Variants in STPG2 observed in about 807,000 individuals in gnomAD.
STPG2 encodes sperm-tail PG-rich repeat-containing protein 2.
Under a neutral mutation model 54.2 loss-of-function variants are expected in STPG2, and 56 were observed. The ratio of observed to expected loss-of-function variants is 1.03; its 90% CI spans 0.83 to 1.29. The LOEUF is 1.29. STPG2 is among the 50% of genes most tolerant of loss of function. The probability of loss-of-function intolerance (pLI) is 0.00; values close to 1 mark genes in which losing one functional copy is unlikely to be tolerated. For synonymous variants in STPG2, 200 were observed against 181.8 expected, an observed-to-expected ratio of 1.10 and a Z score of -0.81; for missense variants, 596 against 544.9, an observed-to-expected ratio of 1.09 and a Z score of -0.93.
At chr4:97,849,546 T>A in intron 8 of STPG2, among the ~76,000 whole-genome samples, 1 of 151,870 alleles carries the variant, frequency 6.6e-6, no homozygotes, top group Non-Finnish European at 1.5e-5. Context: ...ATATCCAGAA[T>A]CTACAATGAA....
chr4:97,745,647 T>C (rs1725401251), intron 9 of STPG2, among the ~76,000 whole-genome samples: 1 of 151,194 alleles, frequency 6.6e-6, no homozygotes, highest in African/African-American at 2.4e-5. Context: ...AAACATTATG[T>C]GTTCTATTAG....
chr4:97,616,134 T>A (rs1733869276), intron 10 of STPG2, among the ~76,000 whole-genome samples: 1 of 128,744 alleles, frequency 7.8e-6, no homozygotes, highest in Non-Finnish European at 1.6e-5. Flanking sequence ...AAAGCCATGT[T>A]AAGTGCAGTT....
At chr4:97,995,981 G>A (rs1735195382) in intron 5 of STPG2, among the ~76,000 whole-genome samples, 1 of 152,148 alleles carries the variant, frequency 6.6e-6, no homozygotes, top group South Asian at 2.1e-4. Context: ...GAGATAGTAA[G>A]AATCAATATT....
intron 8 of STPG2, among the ~76,000 whole-genome samples, chr4:97,880,521 A>G (rs1056098634): frequency 6.6e-6 from 1 of 152,154 alleles, no homozygotes; most frequent in Non-Finnish European, 1.5e-5. Flanking sequence ...TTTCTAGTTC[A>G]GAGTCCCTTA....
intron 8 of STPG2, among the ~76,000 whole-genome samples, chr4:97,876,887 T>G (rs1044472671): frequency 6.6e-6 from 1 of 152,112 alleles, no homozygotes; most frequent in Non-Finnish European, 1.5e-5. Flanking sequence ...TTGGACCATG[T>G]CATAGCAGAA....
intron 4 of STPG2, among the ~76,000 whole-genome samples, chr4:97,517,872 G>A (rs1731106556): frequency 6.6e-6 from 1 of 151,818 alleles, no homozygotes; most frequent in Admixed American, 6.6e-5. Flanking sequence ...TCATTTTCCT[G>A]TTTGAAATTT....
intron 9 of STPG2, among the ~76,000 whole-genome samples, chr4:97,745,106 G>A (rs1725381560): frequency 6.6e-6 from 1 of 151,158 alleles, no homozygotes; most frequent in Admixed American, 6.6e-5. Flanking sequence ...GTTGTAAGAA[G>A]AGATTGAAAA....
At chr4:97,996,926 G>C (rs1023377494) in intron 5 of STPG2, among the ~76,000 whole-genome samples, 1 of 152,098 alleles carries the variant, frequency 6.6e-6, no homozygotes, top group Non-Finnish European at 1.5e-5. Context: ...TTACTAAAAA[G>C]TCAAAAAATA....
At chr4:97,818,449 GTCTC>G (rs369459363) in intron 9 of STPG2, among the ~76,000 whole-genome samples, 8 of 150,384 alleles carry the variant, frequency 5.3e-5, no homozygotes, top group African/African-American at 7.3e-5. Context: ...TGTGAATATG[GTCTC>G]TCTCTCTCTC....
chr4:98,094,559 A>C (rs1350781544), intron 5 of STPG2, among the ~76,000 whole-genome samples: 1 of 152,168 alleles, frequency 6.6e-6, no homozygotes, highest in East Asian at 1.9e-4. Context: ...GTCCAGGCCT[A>C]GGCTCTTGGA....
intron 9 of STPG2, among the ~76,000 whole-genome samples, chr4:97,770,558 GA>G (rs1370621894): frequency 6.6e-6 from 1 of 152,144 alleles, no homozygotes; most frequent in African/African-American, 2.4e-5. Context: ...GAGGTTTTGA[GA>G]AAAAATTAAC....
chr4:97,899,494 A>G (rs1418193974), intron 8 of STPG2, among the ~76,000 whole-genome samples: 1 of 152,034 alleles, frequency 6.6e-6, no homozygotes, highest in Non-Finnish European at 1.5e-5. Flanking sequence ...ATGAAACCAA[A>G]AAAGAATCCA....
intron 10 of STPG2, among the ~76,000 whole-genome samples, chr4:97,681,877 A>C (rs1176332666): frequency 6.6e-6 from 1 of 151,808 alleles, no homozygotes; most frequent in African/African-American, 2.4e-5. Context: ...CACTGTTACC[A>C]GTTTAGCATT....
intron 10 of STPG2, among the ~76,000 whole-genome samples, chr4:97,652,388 C>T (rs988545783): frequency 6.6e-6 from 1 of 151,722 alleles, no homozygotes; most frequent in Non-Finnish European, 1.5e-5. Context: ...TAAAATCAGT[C>T]CTTTTTGTCT....
Position 97,566,390 on chromosome 4 carries a change from G to A in STPG2, c.1321-7273C>T, listed in dbSNP as rs534987141. Among the ~76,000 whole-genome samples, 13 of 152,242 alleles carry A rather than the reference G, an allele frequency of 8.5e-5. No homozygotes were observed. In the South Asian group the frequency reaches 1.7e-3, roughly 19 times the overall value. Reference sequence around the variant, plus strand: ...AACTCCCTGTCCCCTTGCGCTTCCCGAGTGAGGCAATGCCTCGCCCTGCTT... The same window carrying A: ...AACTCCCTGTCCCCTTGCGCTTCCCAAGTGAGGCAATGCCTCGCCCTGCTT... On this transcript the variant is annotated intron_variant, in intron 10 of 10. Transcript: ENST00000295268.
At chr4:97,786,669 A>T (rs974209368) in intron 9 of STPG2, among the ~76,000 whole-genome samples, 1 of 152,240 alleles carries the variant, frequency 6.6e-6, no homozygotes, top group East Asian at 1.9e-4. Flanking sequence ...GCTCCATTCC[A>T]GGGTAGGTGA....
chr4:97,501,905 A>G lies in STPG2; in HGVS notation c.462+210794T>C, dbSNP rs188833228. 2.0e-4 allele frequency among the ~76,000 whole-genome samples: 31 copies of G among 152,134 alleles called. No individual in the cohort carries two copies. In the East Asian group the frequency reaches 5.2e-3, roughly 26 times the overall value. ...AAAATGAGTTGAAATATAAGATTTC[A>G]CAACTAAGAAAATTAATTGAGGACC... On this transcript the variant is annotated intron_variant, in intron 4 of 4. Transcript: ENST00000522676.
intron 5 of STPG2, among the ~76,000 whole-genome samples, chr4:98,015,003 TCA>T (rs1421930627): frequency 6.6e-6 from 1 of 152,190 alleles, no homozygotes; most frequent in East Asian, 1.9e-4. Context: ...TAGTATGCAA[TCA>T]GTTGTTTTTA....
intron 10 of STPG2, among the ~76,000 whole-genome samples, chr4:97,700,483 C>T (rs1035303971): frequency 6.6e-6 from 1 of 152,200 alleles, no homozygotes; most frequent in Non-Finnish European, 1.5e-5. Context: ...GAAGGAATAT[C>T]TCAAAAGGCC....
Sources: allele counts gnomAD v4.1 joint callset (sites outside exome capture counted in the v4.1 genomes callset), GRCh38; gene constraint gnomAD v4.1.1; transcripts MANE v1.5; gene names NCBI Gene and HGNC (gene_info 2026-07-23, HGNC 2026-07-21).